PDE5A: variants seen among roughly 807,000 people sequenced by gnomAD.
PDE5A encodes phosphodiesterase 5A.
A neutral mutation model predicts 110.2 loss-of-function variants in PDE5A; 67 were observed. The observed-to-expected ratio is 0.61, with a 90% confidence interval of 0.50 to 0.75. PDE5A has a LOEUF of 0.75. PDE5A is among the 30% of genes least tolerant of loss of function. The pLI, the probability that PDE5A is intolerant of heterozygous loss-of-function variation, is 0.00. For synonymous variants in PDE5A, 328 were observed against 351.2 expected (o/e 0.93, Z 0.74); for missense variants, 862 against 1,045.1 (o/e 0.82, Z 2.42).
chr4:119,616,589 G>A (rs1335003996), intron 1 of PDE5A, among the ~76,000 whole-genome samples: 1 of 120,734 alleles, frequency 8.3e-6, no homozygotes, highest in Admixed American at 7.9e-5. Flanking sequence ...CTGTCAAGAG[G>A]ATGATGTTAT....
intron 14 of PDE5A, among the ~76,000 whole-genome samples, chr4:119,511,442 A>G (rs1257315188): frequency 6.6e-6 from 1 of 152,124 alleles, no homozygotes; most frequent in Non-Finnish European, 1.5e-5. Flanking sequence ...CCAAACATGG[A>G]AAAAAACCCT....
chr4:119,600,823 T>C (rs1028059310), intron 2 of PDE5A, among the ~76,000 whole-genome samples: 1 of 152,200 alleles, frequency 6.6e-6, no homozygotes, highest in African/African-American at 2.4e-5. Context: ...AGCTGGTCAA[T>C]AGGTTGTTGA....
At chr4:119,505,046 C>T (rs1266884517) in intron 17 of PDE5A, among the ~76,000 whole-genome samples, 2 of 152,012 alleles carry the variant, frequency 1.3e-5, no homozygotes, top group Non-Finnish European at 2.9e-5. Context: ...TCACTCAACA[C>T]ACATGGTAAC....
intron 3 of PDE5A, among the ~76,000 whole-genome samples, chr4:119,594,681 T>C (rs1307600272): frequency 6.6e-6 from 1 of 152,234 alleles, no homozygotes; most frequent in Non-Finnish European, 1.5e-5. Context: ...ACTAATTAAT[T>C]AATCTCATAT....
At chr4:119,514,926 G>T (rs1246268358) in intron 14 of PDE5A, among the ~76,000 whole-genome samples, 2 of 152,120 alleles carry the variant, frequency 1.3e-5, no homozygotes, top group Non-Finnish European at 2.9e-5. Context: ...CTTGCACAAG[G>T]TCACAGAGTA....
intron 1 of PDE5A, among the ~76,000 whole-genome samples, chr4:119,626,840 T>C (rs1730364258): frequency 2.6e-5 from 4 of 152,084 alleles, no homozygotes; most frequent in Admixed American, 2.6e-4. Flanking sequence ...ATTGAAAAGA[T>C]TAATCCCGGA....
chr4:119,536,936 G>A (rs1726744803), intron 11 of PDE5A, among the ~76,000 whole-genome samples: 1 of 152,176 alleles, frequency 6.6e-6, no homozygotes, highest in Admixed American at 6.6e-5. Flanking sequence ...TGTGGATTCA[G>A]TAAACTTAGT....
chr4:119,617,933 C>A (rs1729997312), intron 1 of PDE5A, among the ~76,000 whole-genome samples: 1 of 152,168 alleles, frequency 6.6e-6, no homozygotes, highest in African/African-American at 2.4e-5. Flanking sequence ...TTAGGCACAT[C>A]ATTAAGTAAT....
intron 12 of PDE5A, among the ~76,000 whole-genome samples, chr4:119,521,493 A>G (rs931829782): frequency 2.6e-5 from 4 of 151,210 alleles, no homozygotes; most frequent in Admixed American, 6.6e-5. Context: ...AAAAGCGGCC[A>G]CTCCCAAGTT....
intron 11 of PDE5A, among the ~76,000 whole-genome samples, chr4:119,538,496 A>G (rs557615240): frequency 6.6e-6 from 1 of 152,190 alleles, no homozygotes; most frequent in Non-Finnish European, 1.5e-5. Flanking sequence ...ATTGTATGCT[A>G]AATAATGCAA....
At chr4:119,621,288 C>A (rs1730133542) in intron 1 of PDE5A, among the ~76,000 whole-genome samples, 1 of 152,162 alleles carries the variant, frequency 6.6e-6, no homozygotes, top group South Asian at 2.1e-4. Flanking sequence ...ACCTTATGGG[C>A]TACGTGCCCC....
Position 119,607,124 on chromosome 4 carries a change from G to T in PDE5A, c.326C>A (p.Pro109His). The part of the protein sequence containing the change: ...RKISASEFDR[P>H]LRPIVVKDSE... ...ATCCTTGACAACAATGGGTCTAAGAGGCCGGTCAAATTCAGAGGCAGAGAT... is the reference window on the plus strand; with the variant it reads ...ATCCTTGACAACAATGGGTCTAAGATGCCGGTCAAATTCAGAGGCAGAGAT... Residue 109 changes from proline (P) to histidine (H), a missense_variant, in exon 2 of 21, where the codon CCT becomes CAT. Pro to His is a moderately conservative substitution (Grantham distance 77, BLOSUM62 -2). Coordinates refer to ENST00000354960, the MANE Select transcript of PDE5A (RefSeq NM_001083.4). 2 of 1,614,202 alleles carry T rather than the reference G, an allele frequency of 1.2e-6. No homozygotes were observed. Among genetic ancestry groups the T allele is most frequent in the Non-Finnish European group, 1.7e-6 (2 of 1,180,038 alleles).
intron 20 of PDE5A, chr4:119,500,393 G>T (rs2110450002): frequency 6.6e-6 from 1 of 151,142 alleles, no homozygotes; most frequent in Non-Finnish European, 1.5e-5. Context: ...GACTGTAGAT[G>T]CACCTCTCCC....
At chr4:119,584,347 A>T (rs1300844195) in intron 3 of PDE5A, among the ~76,000 whole-genome samples, 1 of 152,194 alleles carries the variant, frequency 6.6e-6, no homozygotes, top group Non-Finnish European at 1.5e-5. Context: ...CAAACCAATG[A>T]CTTATTTTAG....
intron 1 of PDE5A, among the ~76,000 whole-genome samples, chr4:119,622,832 C>G (rs1293887661): frequency 7.1e-6 from 1 of 141,744 alleles, no homozygotes; most frequent in Non-Finnish European, 1.5e-5. Context: ...CCACTGCACT[C>G]CAGCCTGGGT....
intron 3 of PDE5A, among the ~76,000 whole-genome samples, chr4:119,583,597 G>A (rs530020326): frequency 3.0e-4 from 45 of 152,228 alleles, no homozygotes; most frequent in African/African-American, 1.1e-3. Flanking sequence ...TCCTCACTAA[G>A]CTTATTCATT....
At chr4:119,545,607 C>T (rs1419708244) in intron 9 of PDE5A, among the ~76,000 whole-genome samples, 1 of 152,272 alleles carries the variant, frequency 6.6e-6, no homozygotes, top group East Asian at 1.9e-4. Flanking sequence ...GTGGTCATCA[C>T]AGTAGGTCTG....
At chr4:119,533,933 A>G (rs1726637147) in intron 11 of PDE5A, among the ~76,000 whole-genome samples, 1 of 152,158 alleles carries the variant, frequency 6.6e-6, no homozygotes, top group South Asian at 2.1e-4. Flanking sequence ...AGAACTATAC[A>G]CAGTAGTTAG....
chr4:119,600,073 A>G (rs1203220297), intron 2 of PDE5A, among the ~76,000 whole-genome samples: 1 of 152,150 alleles, frequency 6.6e-6, no homozygotes, highest in East Asian at 1.9e-4. Flanking sequence ...TAAAACTGAG[A>G]GTATTTGTCA....
Sources: gnomAD v4.1 joint callset for allele counts (sites outside exome capture counted in the v4.1 genomes callset) on GRCh38, gnomAD v4.1.1 for gene constraint, MANE v1.5 for transcripts, NCBI Gene and HGNC (gene_info 2026-07-23, HGNC 2026-07-21) for gene names.